APBB2: variants seen among roughly 807,000 people sequenced by gnomAD.
APBB2 encodes the protein Fe65-like 1.
APBB2 carries 38 observed loss-of-function variants against 82.5 expected under a neutral mutation model. The observed-to-expected ratio is 0.46, with a 90% CI of 0.36 to 0.60. The LOEUF is 0.60. Among genes scored for constraint, APBB2 ranks in the 20% least tolerant of loss-of-function variants. The probability of loss-of-function intolerance (pLI) is 0.00; values close to 1 mark genes in which losing one functional copy is unlikely to be tolerated. For synonymous variants in APBB2, 341 were observed against 368.2 expected (o/e 0.93, Z 0.85); for missense variants, 772 against 972.3 (o/e 0.79, Z 2.74).
chr4:41,126,052 C>G (rs1754286910), intron 2 of APBB2, among the ~76,000 whole-genome samples: 1 of 151,966 alleles, frequency 6.6e-6, no homozygotes, highest in South Asian at 2.1e-4. Context: ...TGGAAGGAAA[C>G]AAAATGCTGA....
chr4:40,918,345 C>T (rs1028801953), intron 10 of APBB2, among the ~76,000 whole-genome samples: 1 of 152,236 alleles, frequency 6.6e-6, no homozygotes, highest in African/African-American at 2.4e-5. Flanking sequence ...GGCAATGCCA[C>T]ACCAACACAT....
intron 10 of APBB2, among the ~76,000 whole-genome samples, chr4:40,908,206 C>T (rs1180461583): frequency 6.6e-6 from 1 of 152,062 alleles, no homozygotes; most frequent in Non-Finnish European, 1.5e-5. Context: ...CCCGGGAGAG[C>T]GGCCCCAGGG....
chr4:40,852,476 A>G (rs1759794736), intron 12 of APBB2, among the ~76,000 whole-genome samples: 1 of 152,076 alleles, frequency 6.6e-6, no homozygotes, highest in Admixed American at 6.6e-5. Context: ...CTTTATTTTC[A>G]TGCCAGAACA....
intron 5 of APBB2, among the ~76,000 whole-genome samples, chr4:41,023,362 A>T (rs1036385633): frequency 6.6e-6 from 1 of 152,194 alleles, no homozygotes; most frequent in Non-Finnish European, 1.5e-5. Context: ...GAGGAAAGTG[A>T]CTATTCCATT....
At chr4:41,213,963 G>A (rs1779990363) in intron 1 of APBB2, among the ~76,000 whole-genome samples, 1 of 152,222 alleles carries the variant, frequency 6.6e-6, no homozygotes, top group South Asian at 2.1e-4. Context: ...GGGGGTGTGC[G>A]CTCTTCCCGC....
intron 10 of APBB2, among the ~76,000 whole-genome samples, chr4:40,921,659 T>C (rs1781288419): frequency 6.6e-6 from 1 of 152,180 alleles, no homozygotes; most frequent in Non-Finnish European, 1.5e-5. Context: ...CCCACTGCAT[T>C]GGTGAAGAGG....
chr4:40,992,441 G>T (rs752803382), intron 6 of APBB2, among the ~76,000 whole-genome samples: 6 of 151,616 alleles, frequency 4.0e-5, no homozygotes, highest in Non-Finnish European at 7.4e-5. Flanking sequence ...GCCTCCCAAA[G>T]CACTGGGATT....
intron 6 of APBB2, among the ~76,000 whole-genome samples, chr4:40,980,941 T>C (rs1408953329): frequency 1.3e-5 from 2 of 152,166 alleles, no homozygotes; most frequent in Non-Finnish European, 2.9e-5. Context: ...TTGTTAACAA[T>C]GAAGATTCTT....
rs73138505 is a variant in APBB2 at position 41,018,777 on chromosome 4, G to C, written c.20-4379C>G. 9.2e-3 allele frequency among the ~76,000 whole-genome samples: 1,395 copies of C among 152,318 alleles called. 29 individuals carry two copies. The highest frequency in any genetic ancestry group is 0.032 in the African/African-American group (1,332 of 41,574). On this transcript the variant is annotated intron_variant, in intron 5 of 17. Coordinates refer to ENST00000508593, the MANE Select transcript of APBB2 (RefSeq NM_004307.2). ...GTCTTCTGAACCAACAAAGAGGTAA[G>C]CTGGCCCCATTTTTAGGCTCATTCT...
At chr4:40,823,438 G>T (rs1748690958) in intron 16 of APBB2, among the ~76,000 whole-genome samples, 1 of 152,210 alleles carries the variant, frequency 6.6e-6, no homozygotes, top group Admixed American at 6.5e-5. Flanking sequence ...AGAAGCACCA[G>T]AAGAGAAGTT....
intron 3 of APBB2, among the ~76,000 whole-genome samples, chr4:41,091,666 C>A (rs575190122): frequency 1.3e-5 from 2 of 152,146 alleles, no homozygotes; most frequent in Admixed American, 1.3e-4. Flanking sequence ...TAAATATCTG[C>A]GGAGTAAATG....
intron 1 of APBB2, among the ~76,000 whole-genome samples, chr4:41,188,995 A>G (rs976651187): frequency 1.3e-5 from 2 of 152,164 alleles, no homozygotes; most frequent in African/African-American, 4.8e-5. Flanking sequence ...ACTTTATTAA[A>G]CAACCTACAC....
intron 12 of APBB2, among the ~76,000 whole-genome samples, chr4:40,860,429 A>G (rs1040122192): frequency 4.6e-5 from 7 of 152,156 alleles, no homozygotes; most frequent in African/African-American, 1.7e-4. Context: ...CTGGTTGACA[A>G]TACTCTGTGC....
intron 10 of APBB2, among the ~76,000 whole-genome samples, chr4:40,906,329 G>A (rs1360573212): frequency 2.0e-5 from 3 of 151,438 alleles, no homozygotes; most frequent in Non-Finnish European, 2.9e-5. Flanking sequence ...GGTGGCACAC[G>A]CCTGTAGTCC....
At chr4:40,979,019 G>A (rs907609859) in intron 6 of APBB2, among the ~76,000 whole-genome samples, 9 of 152,054 alleles carry the variant, frequency 5.9e-5, no homozygotes, top group African/African-American at 1.7e-4. Flanking sequence ...AGCCTTTCCT[G>A]GCTCCATGAC....
chr4:41,178,562 C>T (rs1025542468), intron 1 of APBB2, among the ~76,000 whole-genome samples: 1 of 152,192 alleles, frequency 6.6e-6, no homozygotes, highest in Admixed American at 6.5e-5. Context: ...GTGCATGGCC[C>T]GAGGCAGGTG....
chr4:41,027,581 A>T (rs932368922), intron 5 of APBB2, among the ~76,000 whole-genome samples: 2 of 151,682 alleles, frequency 1.3e-5, no homozygotes, highest in African/African-American at 4.8e-5. Flanking sequence ...TATGCTTTTC[A>T]TTTCCCTTTC....
chr4:41,181,942 CA>C (rs35142945), intron 1 of APBB2, among the ~76,000 whole-genome samples: 11,893 of 93,796 alleles, frequency 0.13, 418 homozygotes, highest in African/African-American at 0.18. Context: ...GAAACTGTCT[CA>C]AAAAAAAAAA....
Position 40,890,395 on chromosome 4 carries a change from G to A in APBB2, c.1498C>T (p.Arg500Cys), listed in dbSNP as rs1293764194. Residue 500 changes from arginine to cysteine, a missense_variant, in exon 12 of 18, where the codon CGC becomes TGC. Coordinates refer to ENST00000508593, the MANE Select transcript of APBB2 (RefSeq NM_004307.2). ...VLHSQPIVSI[R>C]VWGVGRDNGR... ...TTGTCGCGGCCCACGCCCCACACGC[G>A]GATGCTGACGATGGGCTGCGAGTGC... The A allele has an allele frequency of 3.1e-6, 5 of 1,613,678 alleles. No homozygotes were observed. Among genetic ancestry groups the A allele is most frequent in the East Asian group, 2.2e-5 (1 of 44,876 alleles).
Sources: gnomAD v4.1 joint callset for allele counts (sites outside exome capture counted in the v4.1 genomes callset) on GRCh38, gnomAD v4.1.1 for gene constraint, MANE v1.5 for transcripts, NCBI Gene and HGNC (gene_info 2026-07-23, HGNC 2026-07-21) for gene names.